MYT1L: variants seen among roughly 807,000 people sequenced by gnomAD.
MYT1L encodes myelin transcription factor 1 like.
A neutral mutation model predicts 126.7 loss-of-function variants in MYT1L; 12 were observed. That is an observed-to-expected ratio of 0.09 (90% CI 0.06 to 0.15). MYT1L has a LOEUF of 0.15. MYT1L is among the 10% of genes least tolerant of loss of function. The probability of loss-of-function intolerance (pLI) is 1.00; values close to 1 mark genes in which losing one functional copy is unlikely to be tolerated. For synonymous variants in MYT1L, 541 were observed against 604.2 expected (o/e 0.90, Z 1.53); for missense variants, 979 against 1,585.2 (o/e 0.62, Z 6.49).
chr2:1,999,180 G>A (rs1371237960), intron 4 of MYT1L, among the ~76,000 whole-genome samples: 1 of 152,106 alleles, frequency 6.6e-6, no homozygotes, highest in Non-Finnish European at 1.5e-5. Context: ...ATGATAGTAG[G>A]CAGTGATATT....
intron 2 of MYT1L, among the ~76,000 whole-genome samples, chr2:2,262,856 T>C (rs2095011588): frequency 7.3e-6 from 1 of 136,712 alleles, no homozygotes; most frequent in Admixed American, 7.6e-5. Context: ...TAGATTATGT[T>C]ATGAACAGTG....
chr2:1,866,460 CAGAGAG>C (rs1004117398), intron 18 of MYT1L, among the ~76,000 whole-genome samples: 1 of 105,366 alleles, frequency 9.5e-6, no homozygotes, highest in Non-Finnish European at 2.0e-5. Flanking sequence ...GAGAGAGAGG[CAGAGAG>C]AGAGAGGGAG....
intron 2 of MYT1L, among the ~76,000 whole-genome samples, chr2:2,177,548 G>A (rs554608112): frequency 9.6e-4 from 146 of 152,242 alleles, no homozygotes; most frequent in African/African-American, 3.3e-3. Context: ...CCTGAGACTC[G>A]GCAGTTTACA....
rs145216194 is a variant in MYT1L at position 1,840,471 on chromosome 2, T to C, written c.2858+289A>G. Among the ~76,000 whole-genome samples, 42 of 152,300 alleles carry C rather than the reference T, an allele frequency of 2.8e-4. No homozygotes were observed. The East Asian group carries it at 5.8e-3, about 21-fold the overall frequency. ...CCATTCCCAAGAATTCAGCTGCTTT[T>C]CCCACCAAGAGGAGAGGGAAGGCTT... On this transcript the variant is annotated intron_variant, in intron 20 of 24. Transcript: ENST00000647738.
chr2:2,019,211 C>T (rs890557055), intron 4 of MYT1L, among the ~76,000 whole-genome samples: 1 of 151,916 alleles, frequency 6.6e-6, no homozygotes, highest in Admixed American at 6.6e-5. Context: ...TCATGGCGGG[C>T]GAGTCTTTCC....
intron 4 of MYT1L, among the ~76,000 whole-genome samples, chr2:2,044,393 T>C (rs892346788): frequency 6.6e-6 from 1 of 152,236 alleles, no homozygotes; most frequent in Non-Finnish European, 1.5e-5. Context: ...GCAGATATGG[T>C]GTGCCCATAG....
chr2:2,197,969 G>A (rs2092897071), intron 2 of MYT1L, among the ~76,000 whole-genome samples: 1 of 150,250 alleles, frequency 6.7e-6, no homozygotes. Flanking sequence ...AATATGTATA[G>A]GTATAAATAA....
chr2:2,286,051 C>A (rs1196029034), intron 1 of MYT1L, among the ~76,000 whole-genome samples: 1 of 152,104 alleles, frequency 6.6e-6, no homozygotes, highest in Non-Finnish European at 1.5e-5. Flanking sequence ...GGCGTGATCT[C>A]AGCTCACTGC....
chr2:2,298,239 A>G (rs1053532342), intron 1 of MYT1L, among the ~76,000 whole-genome samples: 1 of 152,216 alleles, frequency 6.6e-6, no homozygotes, highest in Non-Finnish European at 1.5e-5. Context: ...ATATACGTGG[A>G]AGATTCTGGG....
chr2:1,967,766 C>T (rs12987573), intron 8 of MYT1L, among the ~76,000 whole-genome samples: 4,800 of 152,140 alleles, frequency 0.032, 106 homozygotes, highest in Non-Finnish European at 0.05. Context: ...GCTGCGCAGG[C>T]GAGACGAGGT....
intron 16 of MYT1L, among the ~76,000 whole-genome samples, chr2:1,888,284 C>G (rs1490932518): frequency 1.3e-5 from 2 of 152,146 alleles, no homozygotes; most frequent in African/African-American, 4.8e-5. Context: ...TTTGGAGATT[C>G]AACCACCATG....
intron 3 of MYT1L, among the ~76,000 whole-genome samples, chr2:2,162,787 A>G (rs1431996853): frequency 6.6e-6 from 1 of 152,210 alleles, no homozygotes; most frequent in Admixed American, 6.5e-5. Context: ...TGTTTTAAAC[A>G]GCCTAGTCTA....
intron 2 of MYT1L, among the ~76,000 whole-genome samples, chr2:2,247,479 G>A (rs2094556065): frequency 6.6e-6 from 1 of 152,044 alleles, no homozygotes; most frequent in African/African-American, 2.4e-5. Context: ...GATCTCCCAG[G>A]CCGAAAATTA....
intron 8 of MYT1L, among the ~76,000 whole-genome samples, chr2:1,964,003 T>A (rs2149399489): frequency 6.6e-6 from 1 of 152,366 alleles, no homozygotes; most frequent in Middle Eastern, 3.4e-3. Flanking sequence ...TATTGGCTTT[T>A]GGCACGCCTT....
At chr2:1,995,047 T>C (rs1299300115) in intron 5 of MYT1L, among the ~76,000 whole-genome samples, 4 of 152,058 alleles carry the variant, frequency 2.6e-5, no homozygotes, top group African/African-American at 9.7e-5. Flanking sequence ...AGAAAAGTCA[T>C]AGAAATGAAA....
At chr2:1,860,330 G>A (rs2148609659) in intron 18 of MYT1L, among the ~76,000 whole-genome samples, 1 of 152,300 alleles carries the variant, frequency 6.6e-6, no homozygotes, top group South Asian at 2.1e-4. Context: ...AATACAAAAG[G>A]TGACTGGTGC....
At chr2:1,993,731 A>T (rs1013978938) in intron 5 of MYT1L, among the ~76,000 whole-genome samples, 1 of 152,248 alleles carries the variant, frequency 6.6e-6, no homozygotes, top group African/African-American at 2.4e-5. Context: ...ATTAAAAAAG[A>T]AAACATTCCA....
At chr2:2,226,572 C>T (rs2094015367) in intron 2 of MYT1L, among the ~76,000 whole-genome samples, 1 of 152,094 alleles carries the variant, frequency 6.6e-6, no homozygotes, top group African/African-American at 2.4e-5. Context: ...CCAGCACACA[C>T]CCAGACCATT....
At chr2:2,016,039 AT>A (rs1206271152) in intron 4 of MYT1L, among the ~76,000 whole-genome samples, 2 of 152,356 alleles carry the variant, frequency 1.3e-5, no homozygotes, top group East Asian at 3.9e-4. Flanking sequence ...GTTTTCTTTA[AT>A]AAAATGTCAA....
Sources: gnomAD v4.1 joint callset for allele counts (sites outside exome capture counted in the v4.1 genomes callset) on GRCh38, gnomAD v4.1.1 for gene constraint, MANE v1.5 for transcripts, NCBI Gene and HGNC (gene_info 2026-07-23, HGNC 2026-07-21) for gene names.